Variants in ANKRD26 observed in about 807,000 individuals in gnomAD.
ANKRD26 encodes ankyrin repeat domain 26, also known as ankyrin repeat domain-containing protein 26.
ANKRD26 carries 141 observed loss-of-function variants against 208.7 expected under a neutral mutation model. The ratio of observed to expected loss-of-function variants is 0.68; its 90% CI spans 0.59 to 0.78. ANKRD26 has a LOEUF of 0.78. Ranked by LOEUF, ANKRD26 falls within the 30% of genes least tolerant of loss-of-function variation. The pLI, the probability that ANKRD26 is intolerant of heterozygous loss-of-function variation, is 0.00. For synonymous variants in ANKRD26, 636 were observed against 660.4 expected (o/e 0.96, Z 0.57); for missense variants, 1,889 against 1,938.7 (o/e 0.97, Z 0.48).
chr10:27,067,263 A>G lies in ANKRD26; in HGVS notation c.1101T>C (p.Ile367=). ...TATCAATACCATTTTCTTTTTTTGC[A>G]ATGCCTGGCTTTGTTGGTTCTTCCT... ...LMKEEPTKPG[I]AKKENGIDII... Residue 367 remains isoleucine (I), a synonymous_variant, in exon 10 of 34, where the codon ATT becomes ATC. Transcript: ENST00000376087. The G allele has an allele frequency of 6.2e-7, 1 of 1,613,398 alleles. No homozygotes were observed. The highest frequency in any genetic ancestry group is 1.1e-5 in the South Asian group (1 of 91,050).
intron 3 of ANKRD26, among the ~76,000 whole-genome samples, chr10:26,983,767 A>G (rs2052343643): frequency 1.3e-5 from 2 of 152,132 alleles, no homozygotes; most frequent in Admixed American, 6.5e-5. Flanking sequence ...TTCCTCTGAA[A>G]AGCTTTTCCC....
chr10:27,003,209 A>G (rs887460340), downstream of ANKRD26, among the ~76,000 whole-genome samples: 1 of 152,158 alleles, frequency 6.6e-6, no homozygotes, highest in African/African-American at 2.4e-5. Context: ...TTAAAAATAC[A>G]GTTGACCCTT....
chr10:27,067,387 A>C (rs2055297824), intron 9 of ANKRD26, 101 bp from the exon 10 acceptor site: 2 of 1,360,672 alleles, frequency 1.5e-6, no homozygotes, highest in African/African-American at 2.9e-5. Flanking sequence ...GCACTACCAT[A>C]AAGAAATACC....
chr10:27,029,963 G>A (rs1478247612), intron 25 of ANKRD26, among the ~76,000 whole-genome samples: 2 of 152,154 alleles, frequency 1.3e-5, no homozygotes, highest in African/African-American at 4.8e-5. Flanking sequence ...TTCTTCAGTG[G>A]TAAAATAGAA....
chr10:27,017,034 G>A (rs1293532285), intron 30 of ANKRD26, among the ~76,000 whole-genome samples: 1 of 152,018 alleles, frequency 6.6e-6, no homozygotes, highest in Non-Finnish European at 1.5e-5. Flanking sequence ...CCAAAAATAA[G>A]AATTAAAAAT....
Position 27,005,493 on chromosome 10 carries a change from C to CAA in ANKRD26, c.*95_*96dup. 2 of 1,539,740 alleles carry CAA rather than the reference C, an allele frequency of 1.3e-6. No individual in the cohort carries two copies. Among genetic ancestry groups the CAA allele is most frequent in the South Asian group, 2.5e-5 (2 of 81,012 alleles). On this transcript the variant is annotated 3_prime_UTR_variant, in exon 34 of 34. Coordinates refer to ENST00000376087, the MANE Select transcript of ANKRD26 (RefSeq NM_014915.3). Reference sequence around the variant, plus strand: ...AAATTTTGATCTGACATATATGATACAAAAATACGTTCCTTTAATATTTTT... The same window carrying CAA: ...AAATTTTGATCTGACATATATGATACAAAAAAATACGTTCCTTTAATATTTTT...
At chr10:27,070,776 T>C (rs1294826483) in intron 9 of ANKRD26, among the ~76,000 whole-genome samples, 1 of 150,244 alleles carries the variant, frequency 6.7e-6, no homozygotes, top group Non-Finnish European at 1.5e-5. Flanking sequence ...AGCAATTCTC[T>C]TGACTCAGCC....
At chr10:26,965,181 C>T in the ANKRD26 span, among the ~76,000 whole-genome samples, 1 of 152,138 alleles carries the variant, frequency 6.6e-6, no homozygotes, top group Non-Finnish European at 1.5e-5. Flanking sequence ...CAAGTCAATC[C>T]TAAGCCAAAA....
downstream of ANKRD26, among the ~76,000 whole-genome samples, chr10:26,999,373 G>A (rs571883997): frequency 5.3e-5 from 8 of 152,304 alleles, no homozygotes; most frequent in South Asian, 2.1e-4. Flanking sequence ...TAGAGGCCTC[G>A]TTTCCTATAG....
At chr10:27,082,058 A>AG (rs1213681254) in intron 6 of ANKRD26, among the ~76,000 whole-genome samples, 1 of 82,676 alleles carries the variant, frequency 1.2e-5, no homozygotes, top group East Asian at 3.4e-4. Flanking sequence ...TTAAAAAAAA[A>AG]AAAAAAAAAA....
chr10:26,977,837 T>G (rs2134609986), intron 5 of ANKRD26, among the ~76,000 whole-genome samples: 1 of 152,318 alleles, frequency 6.6e-6, no homozygotes, highest in Admixed American at 6.5e-5. Flanking sequence ...CCCTGCAGAA[T>G]GTGCCCTGCC....
At chr10:27,087,632 T>G (rs2056166676) in intron 4 of ANKRD26, among the ~76,000 whole-genome samples, 2 of 152,216 alleles carry the variant, frequency 1.3e-5, no homozygotes, top group South Asian at 4.1e-4. Flanking sequence ...CTGAACTAAC[T>G]GATCACAGCA....
chr10:27,082,030 C>A (rs2055932457), intron 6 of ANKRD26, among the ~76,000 whole-genome samples: 1 of 145,974 alleles, frequency 6.9e-6, no homozygotes, highest in Non-Finnish European at 1.5e-5. Context: ...GCCACCACGC[C>A]CAGCCCTATG....
intron 9 of ANKRD26, among the ~76,000 whole-genome samples, chr10:27,076,642 C>A (rs1250348452): frequency 6.6e-6 from 1 of 151,858 alleles, no homozygotes; most frequent in Non-Finnish European, 1.5e-5. Context: ...CAAATAAGCT[C>A]AAGTAGGAAT....
At chr10:27,000,517 CAGATA>C (rs146264536), downstream of ANKRD26, among the ~76,000 whole-genome samples, 3,222 of 152,160 alleles carry the variant, frequency 0.021, 115 homozygotes, top group African/African-American at 0.074. Flanking sequence ...CAAGACTCTA[CAGATA>C]AAATACTCAA....
In ANKRD26 at chr10:27,035,662, T is replaced by C; in HGVS notation, c.2788A>G (p.Thr930Ala). 6.3e-7 allele frequency: 1 copy of C among 1,590,106 alleles called. No individual in the cohort carries two copies. Among genetic ancestry groups the C allele is most frequent in the South Asian group, 1.2e-5 (1 of 85,732 alleles). The change falls in exon 24 of 34, where the codon ACA becomes GCA. Residue 930 changes from threonine (T) to alanine (A), a missense_variant. This residue lies in a region of ANKRD26 where 1,272 missense variants were observed against 1,273.8 expected (regional missense o/e 1.00). Transcript: ENST00000376087. ...EIAMLRLEID[T>A]IKNQNQEKEK... The stretch of plus-strand genomic sequence containing the variant: ...TTTTCCTGGTTTTGATTTTTTATTG[T>C]GTCTATTTCTAGTCTTAGCATAGCA...
At chr10:27,070,572 A>G (rs914920349) in intron 9 of ANKRD26, among the ~76,000 whole-genome samples, 1 of 152,226 alleles carries the variant, frequency 6.6e-6, no homozygotes, top group Non-Finnish European at 1.5e-5. Flanking sequence ...AAGGTTTAAC[A>G]ACTATGAATA....
At position 27,044,163 on chromosome 10, in the gene ANKRD26, C is replaced by G. The variant is rs2054360421; in HGVS notation, c.2013G>C (p.Lys671Asn). Reference protein sequence around the residue: ...GRPTKKTSNEKNKVKNQIQSM... With the variant: ...GRPTKKTSNENNKVKNQIQSM... The stretch of plus-strand genomic sequence containing the variant: ...AATTTATTTTTTACAGTACCTTGTT[C>G]TTTTCATTAGATGTTTTCTTAGTAG... The change falls in exon 19 of 34, where the codon AAG (lysine) becomes AAC (asparagine). Residue 671 changes from lysine (K) to asparagine (N), a missense_variant. Lys to Asn is a moderately conservative substitution (Grantham distance 94, BLOSUM62 0). This residue lies in a region of ANKRD26 where 1,272 missense variants were observed against 1,273.8 expected (regional missense o/e 1.00). Coordinates refer to ENST00000376087, the MANE Select transcript of ANKRD26 (RefSeq NM_014915.3). The G allele has an allele frequency of 2.1e-6, 3 of 1,405,544 alleles. No individual in the cohort carries two copies. The highest frequency in any genetic ancestry group is 2.9e-6 in the Non-Finnish European group (3 of 1,030,782). The allele number at this position is 1,405,544 out of a possible 1,614,324, so 87.1% of individuals were successfully genotyped here. A position where few individuals can be genotyped will look rare whatever the true frequency, so the allele number is the denominator to read the frequency against.
At position 27,046,519 on chromosome 10, in the gene ANKRD26, CACT is replaced by C. The variant is rs564681878; in HGVS notation, c.1816_1818del (p.Ser606del). 164 of 1,612,886 alleles carry C rather than the reference CACT, an allele frequency of 1.0e-4. No homozygotes were observed. In the African/African-American group the frequency reaches 2.0e-3, roughly 20 times the overall value. On this transcript the variant is annotated inframe_deletion and splice_region_variant, in exon 18 of 34. Transcript: ENST00000376087. ...ACTTCCTTCATTTGCAAGGCAGGACCACTACTTTAAAAAATCCATGGGAAATGA... is the reference window on the plus strand; with the variant it reads ...ACTTCCTTCATTTGCAAGGCAGGACCACTTTAAAAAATCCATGGGAAATGA...
Sources: allele counts gnomAD v4.1 joint callset (sites outside exome capture counted in the v4.1 genomes callset), GRCh38; gene constraint gnomAD v4.1.1; regional missense constraint gnomAD v4.1.1; transcripts MANE v1.5; gene names NCBI Gene and HGNC (gene_info 2026-07-23, HGNC 2026-07-21).